The following DIAPH3 variants were observed in gnomAD, a reference collection of about 807,000 sequenced individuals.
DIAPH3 encodes the protein protein diaphanous homolog 3.
A neutral mutation model predicts 144.3 loss-of-function variants in DIAPH3; 117 were observed. The ratio of observed to expected loss-of-function variants is 0.81; its 90% CI spans 0.70 to 0.95. The LOEUF (loss-of-function observed/expected upper bound fraction) is 0.95. Ranked by LOEUF, DIAPH3 falls within the 40% of genes least tolerant of loss-of-function variation. The probability of loss-of-function intolerance (pLI) is 0.00; values close to 1 mark genes in which losing one functional copy is unlikely to be tolerated. For missense variants in DIAPH3, 1,421 were observed against 1,412.7 expected, an observed-to-expected ratio of 1.01 and a Z score of -0.09; for synonymous variants, 519 against 488.9, an observed-to-expected ratio of 1.06 and a Z score of -0.81.
chr13:59,895,140 C>CA (rs1169981188), intron 20 of DIAPH3, among the ~76,000 whole-genome samples: 7 of 151,744 alleles, frequency 4.6e-5, no homozygotes, highest in Non-Finnish European at 8.8e-5. Context: ...AGTATAAACA[C>CA]AAAAAAAGGA....
At chr13:60,085,624 G>T (rs2057722152) in intron 4 of DIAPH3, among the ~76,000 whole-genome samples, 1 of 152,032 alleles carries the variant, frequency 6.6e-6, no homozygotes, top group African/African-American at 2.4e-5. Flanking sequence ...ATTGCTCCTG[G>T]ATACTTTTTC....
At chr13:59,824,556 A>C (rs1385959855) in intron 24 of DIAPH3, among the ~76,000 whole-genome samples, 1 of 152,200 alleles carries the variant, frequency 6.6e-6, no homozygotes, top group Non-Finnish European at 1.5e-5. Flanking sequence ...AGATTTGAAG[A>C]AATCAGGACT....
chr13:59,957,884 G>A (rs1427851194), intron 17 of DIAPH3, among the ~76,000 whole-genome samples: 2 of 152,034 alleles, frequency 1.3e-5, no homozygotes, highest in African/African-American at 2.4e-5. Context: ...TTATGCTAGG[G>A]AAACAGAAAG....
chr13:59,899,156 C>T (rs1050111538), intron 20 of DIAPH3, among the ~76,000 whole-genome samples: 5 of 152,128 alleles, frequency 3.3e-5, no homozygotes, highest in Admixed American at 2.6e-4. Context: ...TGCCAGCTTC[C>T]CTACTTTCGA....
chr13:59,800,371 T>C (rs1008109881), intron 25 of DIAPH3, among the ~76,000 whole-genome samples: 8 of 152,158 alleles, frequency 5.3e-5, no homozygotes, highest in Non-Finnish European at 1.0e-4. Context: ...GTATCAAGCA[T>C]AAAATGGGAA....
Position 59,970,909 on chromosome 13 carries a change from C to A in DIAPH3, c.1902G>T (p.Leu634Phe), listed in dbSNP as rs1178886035. 1 of 1,613,782 alleles carries A rather than the reference C, an allele frequency of 6.2e-7. No homozygotes were observed. The highest frequency in any genetic ancestry group is 8.5e-7 in the Non-Finnish European group (1 of 1,179,950). ...SPPLPILPFG[L>F]KPKKEFKPEI... ...CAGGTTTAAATTCTTTCTTTGGTTT[C>A]AACCCAAATGGCAGGATTGGTAGAG... The change falls in exon 16 of 28, where the codon TTG (leucine) becomes TTT (phenylalanine). Residue 634 changes from leucine (L) to phenylalanine (F), a missense_variant. By Grantham distance (22) the Leu-to-Phe change is conservative (BLOSUM62 0). Coordinates refer to ENST00000400324, the MANE Select transcript of DIAPH3 (RefSeq NM_001042517.2).
intron 17 of DIAPH3, among the ~76,000 whole-genome samples, chr13:59,966,882 A>G (rs1222779852): frequency 2.6e-5 from 4 of 152,060 alleles, no homozygotes; most frequent in Non-Finnish European, 4.4e-5. Flanking sequence ...AAAACCCACT[A>G]TTCTTCAGTA....
chr13:60,084,059 T>TAGATAGAA (rs1555371931), intron 4 of DIAPH3, among the ~76,000 whole-genome samples: 34 of 145,634 alleles, frequency 2.3e-4, no homozygotes. Context: ...GATAGATAGA[T>TAGATAGAA]AGAAAGAATA....
chr13:59,955,080 G>GTATA (rs10523754), intron 17 of DIAPH3, among the ~76,000 whole-genome samples: 1 of 139,596 alleles, frequency 7.2e-6, no homozygotes, highest in Admixed American at 6.9e-5. Context: ...ATATATACAT[G>GTATA]TATATATATA....
chr13:60,083,906 CAGATGGAT>C (rs2057651949), intron 4 of DIAPH3, among the ~76,000 whole-genome samples: 2 of 125,266 alleles, frequency 1.6e-5, no homozygotes, highest in African/African-American at 6.3e-5. Context: ...TATGGATGGA[CAGATGGAT>C]GGATGGATGG....
chr13:59,938,322 T>C lies in DIAPH3; in HGVS notation c.2075-13452A>G, dbSNP rs140037761. ...TGTGTACATCCTATATAGCTATTTA[T>C]AACACCCGGCTTGCAGTGGCACAGG... On this transcript the variant is annotated intron_variant, in intron 17 of 27. Transcript: ENST00000400324. Among the ~76,000 whole-genome samples the C allele has an allele frequency of 1.5e-3, 232 of 152,266 alleles. 2 individuals carry two copies. The highest frequency in any genetic ancestry group is 5.3e-3 in the African/African-American group (221 of 41,576).
At chr13:59,918,547 C>T (rs1006875307) in intron 18 of DIAPH3, among the ~76,000 whole-genome samples, 28 of 152,128 alleles carry the variant, frequency 1.8e-4, no homozygotes, top group African/African-American at 6.0e-4. Flanking sequence ...TTAAGAACCA[C>T]GAAAGTAAGC....
chr13:59,945,684 C>T (rs1047567564), intron 17 of DIAPH3, among the ~76,000 whole-genome samples: 1 of 151,204 alleles, frequency 6.6e-6, no homozygotes, highest in Non-Finnish European at 1.5e-5. Context: ...AATCACAGAG[C>T]TCTGAGAAGA....
At chr13:59,775,910 A>G (rs910355486) in intron 25 of DIAPH3, among the ~76,000 whole-genome samples, 7 of 152,210 alleles carry the variant, frequency 4.6e-5, no homozygotes, top group Non-Finnish European at 1.0e-4. Flanking sequence ...ATAAGTATTT[A>G]TAGTTATCAA....
intron 4 of DIAPH3, among the ~76,000 whole-genome samples, chr13:60,069,669 G>A (rs1024969958): frequency 1.3e-5 from 2 of 152,078 alleles, no homozygotes; most frequent in African/African-American, 4.8e-5. Flanking sequence ...TGTAAGGAAG[G>A]GGTCAGTTTC....
chr13:59,843,822 A>G (rs1238810963), intron 22 of DIAPH3, among the ~76,000 whole-genome samples: 1 of 152,216 alleles, frequency 6.6e-6, no homozygotes. Context: ...GGCTAAGAAA[A>G]TGTATGCCAT....
chr13:60,085,809 C>T (rs1258049406), intron 4 of DIAPH3, among the ~76,000 whole-genome samples: 1 of 152,046 alleles, frequency 6.6e-6, no homozygotes, highest in African/African-American at 2.4e-5. Context: ...AAACTTATCA[C>T]TACATTCATG....
chr13:59,933,074 A>G (rs987199035), intron 17 of DIAPH3, among the ~76,000 whole-genome samples: 19 of 152,246 alleles, frequency 1.2e-4, no homozygotes, highest in Non-Finnish European at 2.9e-5. Flanking sequence ...ATGAATTAAA[A>G]ACAAATGAGA....
chr13:59,792,210 G>A (rs1453214889), intron 25 of DIAPH3, among the ~76,000 whole-genome samples: 1 of 152,176 alleles, frequency 6.6e-6, no homozygotes, highest in Non-Finnish European at 1.5e-5. Flanking sequence ...GCAGGGCACA[G>A]GTGGAGGACA....
Sources: gnomAD v4.1 joint callset for allele counts (sites outside exome capture counted in the v4.1 genomes callset) on GRCh38, gnomAD v4.1.1 for gene constraint, MANE v1.5 for transcripts, NCBI Gene and HGNC (gene_info 2026-07-23, HGNC 2026-07-21) for gene names.